DNAH2: variants seen among roughly 807,000 people sequenced by gnomAD.
DNAH2 encodes the protein dynein axonemal heavy chain 2, also known as axonemal beta dynein heavy chain 2.
DNAH2 carries 323 observed loss-of-function variants against 523.5 expected under a neutral mutation model. That is an observed-to-expected ratio of 0.62 (90% CI 0.56 to 0.68). The LOEUF is 0.68. Ranked by LOEUF, DNAH2 falls within the 30% of genes least tolerant of loss-of-function variation. The probability of loss-of-function intolerance (pLI) is 0.00; values close to 1 mark genes in which losing one functional copy is unlikely to be tolerated. For missense variants in DNAH2, 4,907 were observed against 5,701.5 expected (o/e 0.86, Z 4.49); for synonymous variants, 2,093 against 2,177.4 (o/e 0.96, Z 1.08).
intron 9 of DNAH2, 137 bp downstream of exon 9, chr17:7,740,075 G>T (rs2151150969): frequency 4.2e-6 from 2 of 481,900 alleles, no homozygotes; most frequent in Non-Finnish European, 7.0e-6. Flanking sequence ...CCGGGGGGGG[G>T]GACAGGAGAG....
chr17:7,813,907 C>CA (rs371725781), intron 63 of DNAH2, among the ~76,000 whole-genome samples: 2,681 of 105,686 alleles, frequency 0.025, 80 homozygotes, highest in African/African-American at 0.089. Flanking sequence ...GACTCTGTCT[C>CA]AAAAAAAAAA....
intron 44 of DNAH2, among the ~76,000 whole-genome samples, chr17:7,789,853 C>T (rs2076848403): frequency 6.6e-6 from 1 of 152,176 alleles, no homozygotes; most frequent in African/African-American, 2.4e-5. Flanking sequence ...GCTGGGATTA[C>T]AGGCGTGAGC....
rs1339761923 is a variant in DNAH2, at chr17:7,781,062, A to G, written c.6024A>G (p.Arg2008=). The stretch of plus-strand genomic sequence containing the variant: ...TTCAGGTTCTGCTGCTCTCAATGAG[A>G]GATATGAACATCGCCAAGCTCACTT... The part of the protein sequence containing the change: ...TDEEVLLLSM[R]DMNIAKLTSV... The change falls in exon 39 of 86, where the codon AGA becomes AGG. Residue 2008 remains arginine, a synonymous_variant. Transcript: ENST00000572933. 1 of 1,614,032 alleles carries G rather than the reference A, an allele frequency of 6.2e-7. No individual in the cohort carries two copies. Among genetic ancestry groups the G allele is most frequent in the African/African-American group, 1.3e-5 (1 of 74,932 alleles).
intron 12 of DNAH2, among the ~76,000 whole-genome samples, chr17:7,748,897 T>C (rs2075590242): frequency 6.6e-6 from 1 of 152,032 alleles, no homozygotes; most frequent in African/African-American, 2.4e-5. Context: ...AGTTAAAGAC[T>C]GAACATCATT....
Position 7,832,694 on chromosome 17 carries a change from G to T in DNAH2, c.12842G>T (p.Gly4281Val). 1 of 1,614,112 alleles carries T rather than the reference G, an allele frequency of 6.2e-7. No homozygotes were observed. The highest frequency in any genetic ancestry group is 8.5e-7 in the Non-Finnish European group (1 of 1,180,030). Residue 4281 changes from glycine to valine, a missense_variant, in exon 83 of 86, where the codon GGT (glycine) becomes GTT (valine). By Grantham distance (109) the Gly-to-Val change is moderately radical (BLOSUM62 -3). This residue lies in a region of DNAH2 where 1,851 missense variants were observed against 2,139.4 expected (regional missense o/e 0.87). Coordinates refer to ENST00000572933, the MANE Select transcript of DNAH2 (RefSeq NM_020877.5). This position sits in a 1 kb window ranked among gnomAD's most constrained non-coding sequence, Gnocchi z 4.3. ...ARPPVIFWLS[G>V]FTFPTGFLTA... ...CCTCCTGTGATCTTCTGGTTGTCTG[G>T]TTTCACCTTTCCCACTGGCTTCCTC... is the stretch of plus-strand genomic sequence containing the variant.
In DNAH2 at chr17:7,763,997, G is replaced by GAGCTGC; in HGVS notation, c.3147_3152dup (p.Leu1050_His1051insGlnLeu). On this transcript the variant is annotated inframe_insertion, in exon 19 of 86. Coordinates refer to ENST00000572933, the MANE Select transcript of DNAH2 (RefSeq NM_020877.5). ...GGAGATGGCTGCTGGGCGCCTCCTGGAGCTGCACACCTACCTGAAGGAGAA... is the reference window on the plus strand; with the variant it reads ...GGAGATGGCTGCTGGGCGCCTCCTGGAGCTGCAGCTGCACACCTACCTGAAGGAGAA... 1 of 1,614,186 alleles carries GAGCTGC rather than the reference G, an allele frequency of 6.2e-7. No homozygotes were observed. Among genetic ancestry groups the GAGCTGC allele is most frequent in the East Asian group, 2.2e-5 (1 of 44,876 alleles).
chr17:7,827,060 G>A (rs758096084), intron 77 of DNAH2, among the ~76,000 whole-genome samples: 1 of 152,042 alleles, frequency 6.6e-6, no homozygotes, highest in Non-Finnish European at 1.5e-5. Context: ...TGCTATATAT[G>A]TTTCTCTGCA....
At chr17:7,801,781 AC>A (rs529469462) in intron 57 of DNAH2, 71 bp downstream of exon 57, 17 of 1,598,986 alleles carry the variant, frequency 1.1e-5, no homozygotes, top group Non-Finnish European at 1.4e-5. Flanking sequence ...CTCTCATCGC[AC>A]CCCCGGCCTC....
In DNAH2 at chr17:7,742,877, CTGGA is replaced by C; in HGVS notation, c.1690-50_1690-47del. 5 of 1,265,386 alleles carry C rather than the reference CTGGA, an allele frequency of 4.0e-6. No individual in the cohort carries two copies. The South Asian group carries it at 9.6e-5, about 24-fold the overall frequency. The allele number at this position is 1,265,386 out of a possible 1,614,324, so 78.4% of individuals were successfully genotyped here. On this transcript the variant is annotated intron_variant, in intron 11 of 85. Transcript: ENST00000572933. The stretch of plus-strand genomic sequence containing the variant: ...GTAGGTCTCAGGGAGATGGTGGCCC[CTGGA>C]GGAAGGTGGCAGGCCGACTCCACCC...
chr17:7,762,322 G>A (rs1003571283), intron 18 of DNAH2, among the ~76,000 whole-genome samples: 2 of 150,158 alleles, frequency 1.3e-5, no homozygotes, highest in South Asian at 2.1e-4. Flanking sequence ...GGGACTTTGC[G>A]TAGGATTTCT....
At chr17:7,794,483 T>C in intron 49 of DNAH2, 125 bp downstream of exon 49, 1 of 770,840 alleles carries the variant, frequency 1.3e-6, no homozygotes, top group Non-Finnish European at 2.0e-6. Context: ...CGCAGGACGC[T>C]GGGACGATCC....
rs188253553 is a variant in DNAH2 at position 7,737,514 on chromosome 17, G to A, written c.1170+256G>A. ...AAGAGGGGCTTCAGAAGAGGAGTTG[G>A]TGGAAGACGGGGAAGCAGCAGGAAG... On this transcript the variant is annotated intron_variant, in intron 8 of 85. Transcript: ENST00000572933. Among the ~76,000 whole-genome samples the A allele has an allele frequency of 1.8e-3, 271 of 152,344 alleles. 1 individual carries two copies. The highest frequency in any genetic ancestry group is 5.9e-3 in the African/African-American group (247 of 41,588).
intron 2 of DNAH2, among the ~76,000 whole-genome samples, chr17:7,722,996 T>C (rs960440857): frequency 2.2e-5 from 3 of 139,416 alleles, no homozygotes; most frequent in African/African-American, 8.0e-5. Context: ...TGAGACAGAG[T>C]CTTCGCTCTG....
chr17:7,783,791 C>A (rs1313023811), intron 39 of DNAH2, among the ~76,000 whole-genome samples: 2 of 150,292 alleles, frequency 1.3e-5, no homozygotes, highest in Admixed American at 1.3e-4. Flanking sequence ...CAGAGTGAGA[C>A]CCTGTTTCCA....
chr17:7,829,201 G>C (rs1173571262), intron 77 of DNAH2, among the ~76,000 whole-genome samples: 1 of 151,964 alleles, frequency 6.6e-6, no homozygotes, highest in Non-Finnish European at 1.5e-5. Context: ...TTTTAGTAGA[G>C]AGGGGTTTCA....
Position 7,759,009 on chromosome 17 carries a change from A to G in DNAH2, c.2333A>G (p.Glu778Gly). The change falls in exon 15 of 86, where the codon GAA (glutamate) becomes GGA (glycine). Residue 778 changes from glutamate (E) to glycine (G), a missense_variant. Physicochemically the swap from Glu to Gly is moderately conservative, Grantham distance 98. Transcript: ENST00000572933. Reference protein sequence around the residue: ...GKRVYRDLEFEEDQREHRAAV... With the variant: ...GKRVYRDLEFGEDQREHRAAV... ...CGGGTATACAGGGACCTGGAATTTG[A>G]AGAGGACCAAAGAGAGCATCGGGCA... 1 of 1,614,162 alleles carries G rather than the reference A, an allele frequency of 6.2e-7. No homozygotes were observed. The highest frequency in any genetic ancestry group is 8.5e-7 in the Non-Finnish European group (1 of 1,180,026).
chr17:7,755,340 GCC>G (rs2075807127), intron 12 of DNAH2, among the ~76,000 whole-genome samples: 1 of 2,898 alleles, frequency 3.5e-4, no homozygotes, highest in African/African-American at 4.5e-4. Flanking sequence ...ACCTTCTCCA[GCC>G]TTTCCCACAA....
At chr17:7,751,104 A>T (rs1394759821) in intron 12 of DNAH2, among the ~76,000 whole-genome samples, 3 of 151,976 alleles carry the variant, frequency 2.0e-5, no homozygotes, top group Non-Finnish European at 4.4e-5. Flanking sequence ...CCTGCAGATT[A>T]AAAAAAATCA....
In DNAH2 at chr17:7,792,336, C is replaced by T. The variant is rs1273020365; in HGVS notation, c.7138C>T (p.Pro2380Ser). The T allele has an allele frequency of 6.2e-7, 1 of 1,613,970 alleles. No individual in the cohort carries two copies. Among genetic ancestry groups the T allele is most frequent in the Admixed American group, 1.7e-5 (1 of 59,994 alleles). ...CAAGCTCCCTAAGAGTTGGCGCTAC[C>T]CTCCAAAGTAAGAGCTGGGCCTGGG... Reference protein sequence around the residue: ...EDKLPKSWRYPPNAPFYKIMV... With the variant: ...EDKLPKSWRYSPNAPFYKIMV... Residue 2380 changes from proline to serine, a missense_variant, in exon 46 of 86, where the codon CCT (proline) becomes TCT (serine). Coordinates refer to ENST00000572933, the MANE Select transcript of DNAH2 (RefSeq NM_020877.5).
Sources: allele counts gnomAD v4.1 joint callset (sites outside exome capture counted in the v4.1 genomes callset), GRCh38; gene constraint gnomAD v4.1.1; regional missense constraint gnomAD v4.1.1; non-coding constraint Gnocchi (gnomAD v3.1); transcripts MANE v1.5; gene names NCBI Gene and HGNC (gene_info 2026-07-23, HGNC 2026-07-21).